The following CUL4A variants were observed in gnomAD, a reference collection of about 807,000 sequenced individuals.
CUL4A encodes the protein cullin-4A.
A neutral mutation model predicts 95.5 loss-of-function variants in CUL4A; 16 were observed. That is an observed-to-expected ratio of 0.17 (90% CI 0.11 to 0.25). CUL4A has a LOEUF of 0.25. CUL4A is among the 10% of genes least tolerant of loss of function. The pLI is 1.00. For missense variants in CUL4A, 610 were observed against 937.0 expected (o/e 0.65, Z 4.56); for synonymous variants, 380 against 353.1 (o/e 1.08, Z -0.85).
At chr13:113,215,681 T>C (rs1216116420) in intron 2 of CUL4A, among the ~76,000 whole-genome samples, 1 of 151,020 alleles carries the variant, frequency 6.6e-6, no homozygotes, top group Non-Finnish European at 1.5e-5. Context: ...TGTGTGACTA[T>C]GGAGGTCGCG....
intron 15 of CUL4A, among the ~76,000 whole-genome samples, chr13:113,247,626 GGTGA>G (rs2041889984): frequency 6.6e-6 from 1 of 152,144 alleles, no homozygotes; most frequent in African/African-American, 2.4e-5. Context: ...TGGGGGAGAA[GGTGA>G]GTGAGAGAGC....
At chr13:113,244,620 T>C (rs1193788955) in intron 12 of CUL4A, 106 bp downstream of exon 12, 1 of 781,640 alleles carries the variant, frequency 1.3e-6, no homozygotes. Flanking sequence ...GTAGAGCCAG[T>C]TTGCATTAGA....
At chr13:113,232,568 C>T (rs2041393277) in intron 5 of CUL4A, among the ~76,000 whole-genome samples, 2 of 152,228 alleles carry the variant, frequency 1.3e-5, no homozygotes, top group South Asian at 4.1e-4. Context: ...ACAGAGCCCA[C>T]AAGATGGGTT....
At position 113,210,065 on chromosome 13, in the gene CUL4A, T is replaced by C; in HGVS notation, c.241T>C (p.Tyr81His). ...CGTGCAGAGCAGCACCTCCATCAGG[T>C]ACAACCTCGAGGAGCTCTACCAGGT... is the stretch of plus-strand genomic sequence containing the variant. ...RAVQSSTSIR[Y>H]NLEELYQAVE... Residue 81 changes from tyrosine (Y) to histidine (H), a missense_variant, in exon 2 of 20, where the codon TAC becomes CAC. Tyr to His is a moderately conservative substitution (Grantham distance 83, BLOSUM62 2). This residue lies in a region of CUL4A where 168 missense variants were observed against 185.5 expected (regional missense o/e 0.91). Coordinates refer to ENST00000375440, the MANE Select transcript of CUL4A (RefSeq NM_001008895.4). The C allele has an allele frequency of 6.6e-7, 1 of 1,514,496 alleles. No homozygotes were observed. Among genetic ancestry groups the C allele is most frequent in the East Asian group, 2.8e-5 (1 of 35,788 alleles). 93.8% of individuals were successfully genotyped at this position (1,514,496 alleles called of 1,614,324 possible). A position where few individuals can be genotyped will look rare whatever the true frequency, so the allele number is the denominator to read the frequency against.
intron 2 of CUL4A, among the ~76,000 whole-genome samples, chr13:113,214,923 T>G (rs957616208): frequency 3.3e-5 from 5 of 151,404 alleles, no homozygotes; most frequent in African/African-American, 1.2e-4. Context: ...CCCGTGTGGC[T>G]GTGGAGGTCG....
chr13:113,244,566 C>G (rs1215826603), intron 12 of CUL4A, 52 bp downstream of exon 12: 1 of 1,293,774 alleles, frequency 7.7e-7, no homozygotes, highest in South Asian at 1.3e-5. Flanking sequence ...TGTAAACAGG[C>G]CCTGCTTTCC....
intron 10 of CUL4A, among the ~76,000 whole-genome samples, chr13:113,242,728 G>T (rs2041752050): frequency 6.6e-6 from 1 of 152,186 alleles, no homozygotes; most frequent in African/African-American, 2.4e-5. Context: ...TGAGGCTGCA[G>T]TGAACCGTGA....
chr13:113,238,029 A>T (rs890471180), intron 9 of CUL4A, among the ~76,000 whole-genome samples: 1 of 152,222 alleles, frequency 6.6e-6, no homozygotes, highest in African/African-American at 2.4e-5. Context: ...CACGGGTCCA[A>T]TCTGGTTATG....
chr13:113,244,399 T>C lies in CUL4A; in HGVS notation c.1229-11T>C. The C allele has an allele frequency of 6.2e-7, 1 of 1,600,480 alleles. No homozygotes were observed. The highest frequency in any genetic ancestry group is 1.7e-4 in the Middle Eastern group (1 of 6,040). ...TAGTTTAGAGTATTTACTATATGTT[T>C]ATGCTCACAGCAAAGCATGTGGATT... On this transcript the variant is annotated splice_polypyrimidine_tract_variant and intron_variant, in intron 11 of 19. Coordinates refer to ENST00000375440, the MANE Select transcript of CUL4A (RefSeq NM_001008895.4).
chr13:113,208,762 G>A (rs1288165491), upstream of CUL4A: 2 of 1,446,460 alleles, frequency 1.4e-6, no homozygotes, highest in African/African-American at 1.5e-5. Flanking sequence ...GGTTGGTTCC[G>A]GAGGGAGAAC....
intron 2 of CUL4A, among the ~76,000 whole-genome samples, chr13:113,211,134 C>T (rs942064265): frequency 2.0e-5 from 3 of 152,234 alleles, no homozygotes; most frequent in East Asian, 3.8e-4. Context: ...CAGCCCTCTC[C>T]CCTGACTCCT....
chr13:113,215,040 C>T lies in CUL4A; in HGVS notation c.265-3905C>T, dbSNP rs559068261. ...AGGTCTCGTCCTTTGTGGCTGTGGACGTCTTGTCTATGTGACTGTGGAGGT... is the reference window on the plus strand; with the variant it reads ...AGGTCTCGTCCTTTGTGGCTGTGGATGTCTTGTCTATGTGACTGTGGAGGT... On this transcript the variant is annotated intron_variant, in intron 2 of 19. Coordinates refer to ENST00000375440, the MANE Select transcript of CUL4A (RefSeq NM_001008895.4). Among the ~76,000 whole-genome samples the T allele has an allele frequency of 6.1e-5, 8 of 132,154 alleles. No homozygotes were observed. In the East Asian group the frequency reaches 9.4e-4, roughly 16 times the overall value. 86.7% of individuals were successfully genotyped at this position (132,154 alleles called of 152,430 possible).
chr13:113,246,263 GCCTGTGTCCA>G (rs1333267216), intron 15 of CUL4A, among the ~76,000 whole-genome samples, 200 bp downstream of exon 15: 4 of 152,238 alleles, frequency 2.6e-5, no homozygotes, highest in African/African-American at 9.6e-5. Flanking sequence ...TCCCAGTGCA[GCCTGTGTCCA>G]CCTGCTGACC....
intron 2 of CUL4A, among the ~76,000 whole-genome samples, chr13:113,211,472 C>T (rs558617272): frequency 5.3e-5 from 8 of 152,214 alleles, no homozygotes; most frequent in Non-Finnish European, 1.2e-4. Context: ...GCAACCTCCA[C>T]CTCGCAGGTT....
intron 3 of CUL4A, chr13:113,219,947 A>G (rs972736236): frequency 6.6e-6 from 1 of 152,212 alleles, no homozygotes; most frequent in Non-Finnish European, 1.5e-5. Flanking sequence ...CCAGTACTGT[A>G]GCTGTCCATG....
chr13:113,208,361 C>A, upstream of CUL4A: 1 of 1,433,244 alleles, frequency 7.0e-7, no homozygotes, highest in Non-Finnish European at 9.1e-7. Flanking sequence ...ACCGCGACGA[C>A]TCCGCGATCC....
At chr13:113,247,070 G>C (rs979954004) in intron 15 of CUL4A, among the ~76,000 whole-genome samples, 1 of 152,156 alleles carries the variant, frequency 6.6e-6, no homozygotes, top group African/African-American at 2.4e-5. Flanking sequence ...GAAGGCAAAG[G>C]GGGAGTAGGC....
intron 9 of CUL4A, among the ~76,000 whole-genome samples, chr13:113,237,697 G>C (rs1419598056): frequency 1.3e-5 from 2 of 152,188 alleles, no homozygotes; most frequent in Non-Finnish European, 2.9e-5. Context: ...GAAAATACGA[G>C]ACTTTTTTCA....
chr13:113,252,283 T>A (rs2042014050), intron 15 of CUL4A, among the ~76,000 whole-genome samples: 1 of 152,126 alleles, frequency 6.6e-6, no homozygotes, highest in Non-Finnish European at 1.5e-5. Flanking sequence ...ACAGTCTAAT[T>A]CCAGCGTTTT....
Sources: gnomAD v4.1 joint callset for allele counts (sites outside exome capture counted in the v4.1 genomes callset) on GRCh38, gnomAD v4.1.1 for gene constraint, gnomAD v4.1.1 regional missense constraint, MANE v1.5 for transcripts, NCBI Gene and HGNC (gene_info 2026-07-23, HGNC 2026-07-21) for gene names.